Variants in R3HDM2 observed in about 807,000 individuals in gnomAD.
R3HDM2 encodes the protein R3H domain containing 2.
A neutral mutation model predicts 124.5 loss-of-function variants in R3HDM2; 38 were observed. That is an observed-to-expected ratio of 0.31 (90% confidence interval 0.24 to 0.40). The LOEUF is 0.40. R3HDM2 is among the 10% of genes least tolerant of loss of function. The pLI, the probability that R3HDM2 is intolerant of heterozygous loss-of-function variation, is 1.00. For synonymous variants in R3HDM2, 391 were observed against 448.0 expected, an observed-to-expected ratio of 0.87 and a Z score of 1.61; for missense variants, 869 against 1,236.9, an observed-to-expected ratio of 0.70 and a Z score of 4.46.
intron 2 of R3HDM2, among the ~76,000 whole-genome samples, chr12:57,366,514 T>C (rs1356308438): frequency 6.6e-6 from 1 of 152,238 alleles, no homozygotes; most frequent in Non-Finnish European, 1.5e-5. Flanking sequence ...TTAACATGCA[T>C]TCTCTGAATC....
chr12:57,378,983 T>C (rs1457387350), intron 2 of R3HDM2, among the ~76,000 whole-genome samples: 1 of 152,192 alleles, frequency 6.6e-6, no homozygotes, highest in African/African-American at 2.4e-5. Flanking sequence ...TTCTGTATAA[T>C]TCCACTTATA....
intron 3 of R3HDM2, among the ~76,000 whole-genome samples, chr12:57,303,598 C>A (rs1399528999): frequency 3.3e-5 from 5 of 150,974 alleles, no homozygotes; most frequent in Non-Finnish European, 4.4e-5. Flanking sequence ...AAAACAAAAC[C>A]AAAAAGACAA....
chr12:57,343,096 G>A (rs1161851115), intron 2 of R3HDM2, among the ~76,000 whole-genome samples: 1 of 151,994 alleles, frequency 6.6e-6, no homozygotes, highest in Admixed American at 6.6e-5. Context: ...AAAGAAATTG[G>A]TACAAAGGAG....
At chr12:57,363,306 A>G (rs927985384) in intron 2 of R3HDM2, among the ~76,000 whole-genome samples, 7 of 152,186 alleles carry the variant, frequency 4.6e-5, no homozygotes, top group Admixed American at 3.9e-4. Flanking sequence ...TCACCCATTT[A>G]AAGTGCACAA....
intron 13 of R3HDM2, 95 bp downstream of exon 13, chr12:57,283,729 C>G: frequency 7.9e-7 from 1 of 1,262,344 alleles, no homozygotes; most frequent in South Asian, 1.3e-5. Context: ...ACAGAGGAGA[C>G]TCTGTCTCAA....
intron 11 of R3HDM2, 60 bp from the exon 12 acceptor site, chr12:57,289,100 A>G: frequency 6.9e-7 from 1 of 1,455,778 alleles, no homozygotes; most frequent in East Asian, 2.5e-5. Flanking sequence ...CATGACCGAA[A>G]AGGATGTCCA....
intron 14 of R3HDM2, among the ~76,000 whole-genome samples, chr12:57,271,602 TGAACTC>T (rs2043606302): frequency 6.6e-6 from 1 of 152,192 alleles, no homozygotes; most frequent in Non-Finnish European, 1.5e-5. Flanking sequence ...CAGATTATTT[TGAACTC>T]GATATTCCAG....
At position 57,296,702 on chromosome 12, in the gene R3HDM2, C is replaced by T. The variant is rs2049955460; in HGVS notation, c.561-151G>A. The T allele has an allele frequency of 2.4e-6, 2 of 819,788 alleles. No homozygotes were observed. The highest frequency in any genetic ancestry group is 5.9e-5 in the Admixed American group (2 of 34,034). 50.8% of individuals were successfully genotyped at this position (819,788 alleles called of 1,614,324 possible). On this transcript the variant is annotated intron_variant, in intron 8 of 23. Coordinates refer to ENST00000402412, the MANE Select transcript of R3HDM2 (RefSeq NM_001394031.1). This position sits in a 1 kb window ranked among gnomAD's most constrained non-coding sequence, Gnocchi z 4.5. ...ATATAGATATTTACTAAATGGGAAC[C>T]AAATAGGTTTTTCTCAGTTTCTTTA...
chr12:57,281,489 C>A (rs2137941456), intron 13 of R3HDM2, among the ~76,000 whole-genome samples: 1 of 151,914 alleles, frequency 6.6e-6, no homozygotes, highest in South Asian at 2.1e-4. Context: ...AGCACAGGAA[C>A]TTTTTTCTTT....
intron 3 of R3HDM2, among the ~76,000 whole-genome samples, chr12:57,308,513 C>T (rs571947320): frequency 3.1e-4 from 47 of 151,700 alleles, no homozygotes; most frequent in South Asian, 6.3e-4. Flanking sequence ...GGTGAAACCC[C>T]GCCTCTACTA....
At chr12:57,255,877 G>T in intron 23 of R3HDM2, 113 bp downstream of exon 23, 1 of 838,204 alleles carries the variant, frequency 1.2e-6, no homozygotes, top group Non-Finnish European at 1.9e-6. Context: ...AGCACAAAGG[G>T]TCCCACTTCC....
Position 57,296,557 on chromosome 12 carries a change from G to A in R3HDM2, c.561-6C>T. The A allele has an allele frequency of 6.5e-7, 1 of 1,544,024 alleles. No homozygotes were observed. The highest frequency in any genetic ancestry group is 1.2e-5 in the South Asian group (1 of 82,990). On this transcript the variant is annotated splice_region_variant and splice_polypyrimidine_tract_variant and intron_variant, in intron 8 of 23. Transcript: ENST00000402412. This position sits in a 1 kb window ranked among gnomAD's most constrained non-coding sequence, Gnocchi z 4.5. ...GGAACTTCTTGAACTGATTACTGAA[G>A]GGAAACCCGGGGAAAAAAAGTGAAA...
At chr12:57,266,389 C>G (rs1428275200) in intron 19 of R3HDM2, among the ~76,000 whole-genome samples, 1 of 152,144 alleles carries the variant, frequency 6.6e-6, no homozygotes, top group East Asian at 1.9e-4. Flanking sequence ...AGCCACCATG[C>G]CTGGCCTTTT....
intron 2 of R3HDM2, among the ~76,000 whole-genome samples, chr12:57,337,420 G>C (rs1237068868): frequency 6.6e-6 from 1 of 151,958 alleles, no homozygotes; most frequent in Admixed American, 6.6e-5. Flanking sequence ...CAAAGTGCTG[G>C]GATTGCAGGT....
At chr12:57,376,069 G>C (rs554024576) in intron 2 of R3HDM2, among the ~76,000 whole-genome samples, 16 of 152,294 alleles carry the variant, frequency 1.1e-4, no homozygotes, top group African/African-American at 3.9e-4. Flanking sequence ...AGACAGCATG[G>C]TCAAAGGGGC....
intron 2 of R3HDM2, among the ~76,000 whole-genome samples, chr12:57,375,668 T>C (rs1178268773): frequency 6.9e-6 from 1 of 144,896 alleles, no homozygotes; most frequent in Non-Finnish European, 1.5e-5. Flanking sequence ...CCAGGTCAGA[T>C]CAGCTGCTTT....
intron 19 of R3HDM2, among the ~76,000 whole-genome samples, chr12:57,261,732 T>C (rs2040869502): frequency 7.1e-6 from 1 of 141,600 alleles, no homozygotes; most frequent in South Asian, 2.2e-4. Flanking sequence ...GCAGCTGAAC[T>C]GTCACTACTT....
chr12:57,312,305 A>ATTT (rs201583405), intron 2 of R3HDM2, among the ~76,000 whole-genome samples: 3 of 133,090 alleles, frequency 2.3e-5, no homozygotes, highest in Non-Finnish European at 3.3e-5. Context: ...CTGCTTTGTG[A>ATTT]TTTTTTTTTT....
chr12:57,407,567 A>G (rs1486617459), intron 1 of R3HDM2, among the ~76,000 whole-genome samples: 1 of 150,984 alleles, frequency 6.6e-6, no homozygotes, highest in Admixed American at 6.6e-5. Context: ...CACCGTGCCC[A>G]GCTAATTTTT....
Sources: allele counts gnomAD v4.1 joint callset (sites outside exome capture counted in the v4.1 genomes callset), GRCh38; gene constraint gnomAD v4.1.1; non-coding constraint Gnocchi (gnomAD v3.1); transcripts MANE v1.5; gene names NCBI Gene and HGNC (gene_info 2026-07-23, HGNC 2026-07-21).